FASTKD1: variants seen among roughly 807,000 people sequenced by gnomAD.
FASTKD1 encodes FAST kinase domain-containing protein 1, mitochondrial.
In FASTKD1, 94 loss-of-function variants were observed where a neutral mutation model predicts 90.9. The ratio of observed to expected loss-of-function variants is 1.03; its 90% confidence interval spans 0.88 to 1.23. FASTKD1 has a LOEUF of 1.23. Among genes scored for constraint, FASTKD1 ranks in the 50% most tolerant of loss-of-function variants. The probability of loss-of-function intolerance (pLI) is 0.00; values close to 1 mark genes in which losing one functional copy is unlikely to be tolerated. For synonymous variants in FASTKD1, 319 were observed against 345.8 expected, an observed-to-expected ratio of 0.92 and a Z score of 0.86; for missense variants, 945 against 993.5, an observed-to-expected ratio of 0.95 and a Z score of 0.66.
At chr2:169,555,377 T>C (rs1316071428) in intron 6 of FASTKD1, 122 bp from the exon 7 acceptor site, 1 of 777,482 alleles carries the variant, frequency 1.3e-6, no homozygotes, top group African/African-American at 1.8e-5. Flanking sequence ...GATGAGATTC[T>C]CTATTCTTGA....
intron 2 of FASTKD1, among the ~76,000 whole-genome samples, chr2:169,569,578 T>TG (rs1335300699): frequency 6.6e-6 from 1 of 152,188 alleles, no homozygotes; most frequent in Admixed American, 6.5e-5. Context: ...TGATCAGGCA[T>TG]GGTGGCTCAC....
rs558140352 is a variant in FASTKD1 at position 169,554,917 on chromosome 2, A to G, written c.1214+207T>C. Among the ~76,000 whole-genome samples the G allele has an allele frequency of 1.9e-3, 284 of 152,082 alleles. 1 individual carries two copies. The highest frequency in any genetic ancestry group is 7.7e-4 in the East Asian group (4 of 5,170). On this transcript the variant is annotated intron_variant, in intron 7 of 14. Coordinates refer to ENST00000453153, the MANE Select transcript of FASTKD1 (RefSeq NM_024622.6). ...CCATTCCTCCCCTAGGGAACTCATC[A>G]CCCTGCTGGCCTCATTTCCGTTTCA...
At chr2:169,530,446 T>C (rs1189601435) in intron 14 of FASTKD1, 141 bp downstream of exon 14, 12 of 573,200 alleles carry the variant, frequency 2.1e-5, no homozygotes, top group Non-Finnish European at 3.7e-5. Context: ...GCATGAGCTA[T>C]TGTATCTGGC....
rs751291896 is a variant in FASTKD1, at chr2:169,531,389, C to T, written c.2290G>A (p.Glu764Lys). ...LPEMPWESNI[E>K]IVGSRLPPGA... ...GGTGGCAGCCTTGATCCAACTATTT[C>T]GATATTTGATTCCCAGGGCATTTCT... Residue 764 changes from glutamate to lysine, a missense_variant, in exon 13 of 15, where the codon GAA becomes AAA. By Grantham distance (56) the Glu-to-Lys change is moderately conservative. Coordinates refer to ENST00000453153, the MANE Select transcript of FASTKD1 (RefSeq NM_024622.6). The T allele has an allele frequency of 1.2e-5, 19 of 1,613,314 alleles. No individual in the cohort carries two copies. Among genetic ancestry groups the T allele is most frequent in the Middle Eastern group, 1.7e-4 (1 of 5,718 alleles).
intron 10 of FASTKD1, 103 bp downstream of exon 10, chr2:169,539,948 C>G (rs532087247): frequency 9.1e-4 from 562 of 616,634 alleles, no homozygotes; most frequent in Non-Finnish European, 1.3e-3. Flanking sequence ...CTATTAGAAA[C>G]AGAAAAAAGT....
chr2:169,540,015 A>T, intron 10 of FASTKD1, 36 bp downstream of exon 10: 1 of 1,345,180 alleles, frequency 7.4e-7, no homozygotes, highest in African/African-American at 1.5e-5. Context: ...ATAAAGTACA[A>T]CAGATAATTA....
chr2:169,559,346 T>C (rs1206788002), intron 5 of FASTKD1, among the ~76,000 whole-genome samples: 1 of 152,220 alleles, frequency 6.6e-6, no homozygotes, highest in Non-Finnish European at 1.5e-5. Context: ...GATTCCCCTA[T>C]TGTGCAAGTC....
At chr2:169,573,032 G>A (rs1684299197) in intron 1 of FASTKD1, 1 of 152,026 alleles carries the variant, frequency 6.6e-6, no homozygotes, top group Admixed American at 6.6e-5. Flanking sequence ...TACAGATAAG[G>A]CAAAATAGGT....
chr2:169,554,295 A>G (rs1685642068), intron 7 of FASTKD1, among the ~76,000 whole-genome samples: 2 of 136,190 alleles, frequency 1.5e-5, no homozygotes, highest in Non-Finnish European at 3.4e-5. Flanking sequence ...AAAAAAAAAA[A>G]AAAAAAAAAA....
chr2:169,566,936 G>A (rs1026704296), intron 3 of FASTKD1, among the ~76,000 whole-genome samples: 1 of 152,086 alleles, frequency 6.6e-6, no homozygotes, highest in South Asian at 2.1e-4. Flanking sequence ...CCAATATGGT[G>A]AAACCCTGTC....
intron 12 of FASTKD1, among the ~76,000 whole-genome samples, chr2:169,534,156 C>T (rs145869341): frequency 2.2e-3 from 251 of 113,598 alleles, no homozygotes; most frequent in Non-Finnish European, 3.0e-3. Context: ...TGCACTCCAA[C>T]CTGGGTGACA....
intron 7 of FASTKD1, among the ~76,000 whole-genome samples, chr2:169,549,029 G>A (rs1427602087): frequency 6.6e-6 from 1 of 151,964 alleles, no homozygotes; most frequent in African/African-American, 2.4e-5. Flanking sequence ...CCCGGGAGGC[G>A]GAGCTTGCAG....
At chr2:169,559,212 A>G (rs1683474309) in intron 5 of FASTKD1, among the ~76,000 whole-genome samples, 1 of 151,736 alleles carries the variant, frequency 6.6e-6, no homozygotes, top group Admixed American at 6.6e-5. Context: ...ACCTCAGGTG[A>G]TCCACCTGCC....
intron 9 of FASTKD1, 48 bp downstream of exon 9, chr2:169,544,673 G>A (rs1442792961): frequency 3.0e-6 from 3 of 1,016,570 alleles, no homozygotes; most frequent in East Asian, 2.5e-5. Context: ...GCAGCAACAA[G>A]TATCCTCTGA....
chr2:169,531,793 T>A (rs1268572084), intron 12 of FASTKD1: 2 of 218,522 alleles, frequency 9.2e-6, no homozygotes, highest in African/African-American at 2.3e-5. Context: ...TTAAGGCTCT[T>A]GATTACATTT....
At chr2:169,541,324 TAA>T (rs1684947052) in intron 9 of FASTKD1, among the ~76,000 whole-genome samples, 1 of 152,242 alleles carries the variant, frequency 6.6e-6, no homozygotes, top group Non-Finnish European at 1.5e-5. Context: ...TTCTAATTTC[TAA>T]GACTCTATTT....
chr2:169,544,544 C>A (rs1685098473), intron 9 of FASTKD1, among the ~76,000 whole-genome samples, 177 bp downstream of exon 9: 1 of 152,144 alleles, frequency 6.6e-6, no homozygotes, highest in African/African-American at 2.4e-5. Context: ...ACACTCCAGC[C>A]TGGGCGACAG....
At position 169,571,955 on chromosome 2, in the gene FASTKD1, G is replaced by A. The variant is rs201493604; in HGVS notation, c.75C>T (p.Ser25=). The A allele has an allele frequency of 2.6e-5, 42 of 1,613,792 alleles. No homozygotes were observed. The highest frequency in any genetic ancestry group is 3.6e-5 in the Non-Finnish European group (42 of 1,179,960). ...TGGGTCGAAATTGAAACACTCTCCA[G>A]GAGAATGGACAAATAGCTCTTAGAC... The part of the protein sequence containing the change: ...MLRLRAICPF[S]WRVFQFRPIS... The change falls in exon 2 of 15, where the codon TCC becomes TCT. Residue 25 remains serine (S), a synonymous_variant. Transcript: ENST00000453153.
chr2:169,570,797 T>A (rs1574418384), intron 2 of FASTKD1, among the ~76,000 whole-genome samples: 1 of 151,332 alleles, frequency 6.6e-6, no homozygotes, highest in East Asian at 2.0e-4. Context: ...TGCCTCAGCC[T>A]CCAGAGTAGC....
Sources: allele counts gnomAD v4.1 joint callset (sites outside exome capture counted in the v4.1 genomes callset), GRCh38; gene constraint gnomAD v4.1.1; transcripts MANE v1.5; gene names NCBI Gene and HGNC (gene_info 2026-07-23, HGNC 2026-07-21).